Variants in CDK14 observed in about 807,000 individuals in gnomAD.
CDK14 encodes cyclin-dependent kinase 14.
Under a neutral mutation model 60.7 loss-of-function variants are expected in CDK14, and 34 were observed. That is an observed-to-expected ratio of 0.56 (90% CI 0.43 to 0.75). The LOEUF (loss-of-function observed/expected upper bound fraction) is 0.75, where lower values mean the gene tolerates loss of function less well. Ranked by LOEUF, CDK14 falls within the 30% of genes least tolerant of loss-of-function variation. CDK14 has a pLI of 0.00. For missense variants in CDK14, 482 were observed against 564.1 expected, an observed-to-expected ratio of 0.85 and a Z score of 1.47; for synonymous variants, 197 against 203.7, an observed-to-expected ratio of 0.97 and a Z score of 0.28.
intron 2 of CDK14, among the ~76,000 whole-genome samples, chr7:90,697,941 G>A (rs568293895): frequency 5.9e-5 from 9 of 151,524 alleles, no homozygotes; most frequent in African/African-American, 1.7e-4. Context: ...GGTGGCGGGC[G>A]CCTGTATTCC....
chr7:91,146,796 C>T (rs375506958), intron 14 of CDK14, among the ~76,000 whole-genome samples: 3 of 152,134 alleles, frequency 2.0e-5, no homozygotes, highest in South Asian at 4.1e-4. Context: ...TCCAGTCATT[C>T]CAATCTCAAC....
intron 2 of CDK14, among the ~76,000 whole-genome samples, chr7:90,621,470 G>C (rs1009229624): frequency 6.6e-6 from 1 of 152,210 alleles, no homozygotes; most frequent in African/African-American, 2.4e-5. Flanking sequence ...GGCAGAGACA[G>C]CATTTCTACC....
At chr7:90,663,199 C>T (rs1800898914) in intron 2 of CDK14, among the ~76,000 whole-genome samples, 1 of 152,018 alleles carries the variant, frequency 6.6e-6, no homozygotes, top group Admixed American at 6.6e-5. Flanking sequence ...AAATCTCTCT[C>T]CATATAAAAA....
At chr7:91,143,891 T>C (rs1483868188) in intron 14 of CDK14, among the ~76,000 whole-genome samples, 1 of 152,230 alleles carries the variant, frequency 6.6e-6, no homozygotes, top group Non-Finnish European at 1.5e-5. Context: ...TGTTCCTTCA[T>C]GTCCTCAATG....
intron 7 of CDK14, among the ~76,000 whole-genome samples, chr7:90,904,527 A>T (rs1403065105): frequency 6.6e-6 from 1 of 152,144 alleles, no homozygotes; most frequent in Non-Finnish European, 1.5e-5. Context: ...AAATCATGGG[A>T]GACAAAATTG....
intron 10 of CDK14, among the ~76,000 whole-genome samples, chr7:91,034,342 A>G (rs546912206): frequency 6.6e-6 from 1 of 150,874 alleles, no homozygotes; most frequent in Admixed American, 6.6e-5. Flanking sequence ...GATAGGTCAC[A>G]GTCATTCGCA....
chr7:90,893,970 T>C (rs1482171081), intron 6 of CDK14, among the ~76,000 whole-genome samples: 2 of 152,166 alleles, frequency 1.3e-5, no homozygotes, highest in African/African-American at 4.8e-5. Flanking sequence ...GAAGAACACA[T>C]ATGTAAAGAT....
chr7:90,713,390 G>A (rs1802132794), intron 2 of CDK14, among the ~76,000 whole-genome samples: 1 of 151,992 alleles, frequency 6.6e-6, no homozygotes, highest in African/African-American at 2.4e-5. Flanking sequence ...TCCAATACCT[G>A]AGTCTTCCCA....
chr7:90,641,867 T>C (rs1800346363), intron 2 of CDK14, among the ~76,000 whole-genome samples: 1 of 152,188 alleles, frequency 6.6e-6, no homozygotes, highest in African/African-American at 2.4e-5. Context: ...TCCACGTGGC[T>C]GGGGAGGCCT....
At chr7:90,904,379 C>T (rs1465921282) in intron 7 of CDK14, among the ~76,000 whole-genome samples, 1 of 151,932 alleles carries the variant, frequency 6.6e-6, no homozygotes, top group African/African-American at 2.4e-5. Flanking sequence ...AAAAAATTAT[C>T]ATTAATAGTC....
intron 6 of CDK14, among the ~76,000 whole-genome samples, chr7:90,879,927 G>A (rs1396340233): frequency 6.6e-6 from 1 of 151,996 alleles, no homozygotes; most frequent in Non-Finnish European, 1.5e-5. Context: ...TACCCAGCTG[G>A]GGAAACTGTG....
intron 5 of CDK14, among the ~76,000 whole-genome samples, chr7:90,841,684 A>ACACACACACACACACACACG (rs993147358): frequency 6.6e-6 from 1 of 151,678 alleles, no homozygotes; most frequent in South Asian, 2.1e-4. Flanking sequence ...ACACACACAC[A>ACACACACACACACACACACG]CACACACAGG....
At chr7:91,059,551 A>C (rs1008131138) in intron 11 of CDK14, among the ~76,000 whole-genome samples, 1 of 152,020 alleles carries the variant, frequency 6.6e-6, no homozygotes, top group Non-Finnish European at 1.5e-5. Context: ...TAGTGCTATA[A>C]ATTTCCCTCT....
chr7:91,158,419 G>T (rs1362724218), intron 14 of CDK14, among the ~76,000 whole-genome samples: 2 of 151,846 alleles, frequency 1.3e-5, no homozygotes. Flanking sequence ...GTTTTGCCGT[G>T]TTTCTCAAGC....
chr7:91,055,744 A>C (rs1797529070), intron 11 of CDK14, among the ~76,000 whole-genome samples: 1 of 152,248 alleles, frequency 6.6e-6, no homozygotes, highest in South Asian at 2.1e-4. Context: ...TAATTTGGTT[A>C]AAGTCATATT....
intron 14 of CDK14, among the ~76,000 whole-genome samples, chr7:91,146,478 G>C (rs971795409): frequency 1.3e-5 from 2 of 152,180 alleles, no homozygotes; most frequent in African/African-American, 4.8e-5. Flanking sequence ...TAGGTTCACA[G>C]GCGTGAGCCA....
At chr7:90,757,209 A>AGTGTGT (rs56790315) in intron 4 of CDK14, among the ~76,000 whole-genome samples, 4,675 of 119,696 alleles carry the variant, frequency 0.039, 67 homozygotes, top group Non-Finnish European at 0.047. Flanking sequence ...GCATTCTTCC[A>AGTGTGT]GTGTGTGTGT....
Position 90,955,840 on chromosome 7 carries a change from T to C in CDK14, c.947+23T>C, listed in dbSNP as rs375192271. 11 of 1,611,200 alleles carry C rather than the reference T, an allele frequency of 6.8e-6. No individual in the cohort carries two copies. In the African/African-American group the frequency reaches 1.5e-4, roughly 21 times the overall value. On this transcript the variant is annotated intron_variant, in intron 9 of 14. Transcript: ENST00000380050. Reference sequence around the variant, plus strand: ...GTGGTGAGAAATGGAAGCTTTACTCTAGCTAATCTATCTGTAGTGCTTGGT... The same window carrying C: ...GTGGTGAGAAATGGAAGCTTTACTCCAGCTAATCTATCTGTAGTGCTTGGT...
chr7:90,711,017 AT>A (rs1802040850), intron 2 of CDK14, among the ~76,000 whole-genome samples: 1 of 152,102 alleles, frequency 6.6e-6, no homozygotes, highest in Admixed American at 6.6e-5. Context: ...TGCTTTAAAA[AT>A]ATTCCACTTG....
Sources: allele counts gnomAD v4.1 joint callset (sites outside exome capture counted in the v4.1 genomes callset), GRCh38; gene constraint gnomAD v4.1.1; transcripts MANE v1.5; gene names NCBI Gene and HGNC (gene_info 2026-07-23, HGNC 2026-07-21).